Variants in NEBL observed in about 807,000 individuals in gnomAD.
The protein encoded by NEBL is LIM and SH3 protein 2.
In NEBL, 122 loss-of-function variants were observed where a neutral mutation model predicts 140.2. That is an observed-to-expected ratio of 0.87 (90% CI 0.75 to 1.01). NEBL has a LOEUF of 1.01. NEBL is among the 50% of genes least tolerant of loss of function. The pLI, the probability that NEBL is intolerant of heterozygous loss-of-function variation, is 0.00. For missense variants in NEBL, 1,365 were observed against 1,231.3 expected (o/e 1.11, Z -1.62); for synonymous variants, 436 against 398.9 (o/e 1.09, Z -1.11).
At chr10:21,119,330 T>A (rs140337415) in intron 2 of NEBL, among the ~76,000 whole-genome samples, 1 of 152,014 alleles carries the variant, frequency 6.6e-6, no homozygotes, top group African/African-American at 2.4e-5. Context: ...ATACCCTTCA[T>A]CTAGATTCAC....
rs1835103130 is a variant in NEBL, at chr10:20,782,600, C to T, written c.*3147G>A. The stretch of plus-strand genomic sequence containing the variant: ...AATAAACCCAGTGGACAGAGAGGGG[C>T]TGGTCTAATCTTATCCATATTCCTA... On this transcript the variant is annotated 3_prime_UTR_variant, in exon 28 of 28. Coordinates refer to ENST00000377122, the MANE Select transcript of NEBL (RefSeq NM_006393.3). 1 of 152,222 alleles carries T rather than the reference C, an allele frequency of 6.6e-6. No individual in the cohort carries two copies. The highest frequency in any genetic ancestry group is 2.4e-5 in the African/African-American group (1 of 41,448). 9.4% of individuals were successfully genotyped at this position (152,222 alleles called of 1,614,324 possible).
At chr10:21,263,599 C>T (rs1260777142) in intron 1 of NEBL, among the ~76,000 whole-genome samples, 1 of 152,190 alleles carries the variant, frequency 6.6e-6, no homozygotes, top group Non-Finnish European at 1.5e-5. Flanking sequence ...TATGATTATT[C>T]TTGCTTTAAA....
intron 4 of NEBL, among the ~76,000 whole-genome samples, chr10:20,944,676 G>A (rs1213097203): frequency 1.3e-5 from 2 of 152,306 alleles, no homozygotes; most frequent in East Asian, 3.9e-4. Flanking sequence ...GTTGGAGCGT[G>A]AGCACACCAT....
intron 2 of NEBL, among the ~76,000 whole-genome samples, chr10:21,120,306 T>C: frequency 6.9e-6 from 1 of 145,352 alleles, no homozygotes. Context: ...GCCTAGGAGG[T>C]CAAGGCTACA....
Position 20,831,297 on chromosome 10 carries a change from T to C in NEBL, c.1570A>G (p.Lys524Glu). 1 of 1,607,606 alleles carries C rather than the reference T, an allele frequency of 6.2e-7. No homozygotes were observed. The highest frequency in any genetic ancestry group is 8.5e-7 in the Non-Finnish European group (1 of 1,174,916). The part of the protein sequence containing the change: ...ASEMASQKQY[K>E]KDLENEIKGK... ...TTAATTTCATTTTCTAAGTCCTTCT[T>C]GTATTGTTTCTAAAAGAACAGAAAA... Residue 524 changes from lysine (K) to glutamate (E), a missense_variant, in exon 16 of 28, where the codon AAG becomes GAG. By Grantham distance (56) the Lys-to-Glu change is moderately conservative (BLOSUM62 1). Around this residue, in one of 2 missense-constraint regions of NEBL, gnomAD observed 1,323 missense variants for 1,154.8 expected, o/e 1.15. Transcript: ENST00000377122.
upstream of NEBL, among the ~76,000 whole-genome samples, chr10:20,897,977 T>A (rs1272883809): frequency 6.6e-6 from 1 of 152,160 alleles, no homozygotes; most frequent in African/African-American, 2.4e-5. Flanking sequence ...TTAACAATTC[T>A]GGAAACATCG....
chr10:21,284,471 T>A (rs1843032172), intron 1 of NEBL, among the ~76,000 whole-genome samples: 1 of 152,130 alleles, frequency 6.6e-6, no homozygotes, highest in Non-Finnish European at 1.5e-5. Flanking sequence ...TTTCTCTTCT[T>A]AAATCCAAAC....
intron 5 of NEBL, among the ~76,000 whole-genome samples, chr10:20,872,904 A>G (rs1351524385): frequency 6.6e-6 from 1 of 152,226 alleles, no homozygotes; most frequent in East Asian, 1.9e-4. Context: ...AAATAACCAT[A>G]AAAGTGGGCA....
chr10:21,250,850 G>A (rs964616377), intron 2 of NEBL, among the ~76,000 whole-genome samples: 15 of 152,180 alleles, frequency 9.9e-5, no homozygotes, highest in African/African-American at 9.6e-5. Context: ...CTGAGATCAC[G>A]CCATTGCACT....
intron 3 of NEBL, among the ~76,000 whole-genome samples, chr10:20,991,149 C>A (rs1338075434): frequency 1.3e-5 from 2 of 152,024 alleles, no homozygotes; most frequent in Non-Finnish European, 2.9e-5. Flanking sequence ...TTCTCTGCAG[C>A]AAATGAAATG....
At chr10:20,869,545 G>A (rs1373959347) in intron 6 of NEBL, among the ~76,000 whole-genome samples, 195 bp downstream of exon 6, 4 of 152,130 alleles carry the variant, frequency 2.6e-5, no homozygotes, top group African/African-American at 9.7e-5. Flanking sequence ...CAGCCAATTT[G>A]AGTTTGGGCT....
intron 2 of NEBL, among the ~76,000 whole-genome samples, chr10:21,034,279 A>T (rs917499384): frequency 1.3e-5 from 2 of 152,120 alleles, no homozygotes; most frequent in Non-Finnish European, 2.9e-5. Flanking sequence ...GGCCCAAAAT[A>T]ATAAATAAGC....
At chr10:21,060,124 C>T (rs994834552) in intron 2 of NEBL, among the ~76,000 whole-genome samples, 6 of 152,106 alleles carry the variant, frequency 3.9e-5, no homozygotes, top group African/African-American at 1.4e-4. Context: ...GCCAGATCTC[C>T]CAGGCAATGA....
intron 2 of NEBL, among the ~76,000 whole-genome samples, chr10:21,105,920 C>T (rs1837695895): frequency 6.6e-6 from 1 of 152,132 alleles, no homozygotes; most frequent in African/African-American, 2.4e-5. Flanking sequence ...TTTTGATTTG[C>T]ATTTCTCTGA....
At chr10:20,913,871 C>G (rs1018102311) in intron 4 of NEBL, among the ~76,000 whole-genome samples, 2 of 152,124 alleles carry the variant, frequency 1.3e-5, no homozygotes, top group African/African-American at 4.8e-5. Flanking sequence ...CATTTATGTT[C>G]AAAAACTGGA....
intron 2 of NEBL, among the ~76,000 whole-genome samples, chr10:21,116,025 T>C (rs1416559780): frequency 6.6e-6 from 1 of 152,130 alleles, no homozygotes; most frequent in Non-Finnish European, 1.5e-5. Flanking sequence ...CTCTCATGTA[T>C]CTTCTGTATC....
intron 2 of NEBL, among the ~76,000 whole-genome samples, chr10:21,070,436 G>T (rs1305290195): frequency 1.3e-5 from 2 of 152,090 alleles, no homozygotes; most frequent in Non-Finnish European, 2.9e-5. Flanking sequence ...TATCACGTAT[G>T]TATTTTTTCA....
chr10:21,239,387 G>GCTGC (rs149682040), intron 3 of NEBL, among the ~76,000 whole-genome samples: 350 of 152,132 alleles, frequency 2.3e-3, no homozygotes, highest in Non-Finnish European at 3.6e-3. Context: ...GATCTAGTCA[G>GCTGC]CTGCTGCTGA....
intron 2 of NEBL, among the ~76,000 whole-genome samples, chr10:21,034,833 T>C (rs180712775): frequency 1.6e-3 from 240 of 152,310 alleles, no homozygotes; most frequent in African/African-American, 4.6e-3. Flanking sequence ...CCAGGGTACA[T>C]GTGCAGGATG....
Sources: allele counts gnomAD v4.1 joint callset (sites outside exome capture counted in the v4.1 genomes callset), GRCh38; gene constraint gnomAD v4.1.1; regional missense constraint gnomAD v4.1.1; transcripts MANE v1.5; gene names NCBI Gene and HGNC (gene_info 2026-07-23, HGNC 2026-07-21).